The following CCSER1 variants were observed in gnomAD, a reference collection of about 807,000 sequenced individuals.
CCSER1 encodes the protein serine-rich coiled-coil domain-containing protein 1.
CCSER1 carries 41 observed loss-of-function variants against 82.0 expected under a neutral mutation model. The ratio of observed to expected loss-of-function variants is 0.50; its 90% CI spans 0.39 to 0.65. The LOEUF (loss-of-function observed/expected upper bound fraction) is 0.65, where lower values mean the gene tolerates loss of function less well. Ranked by LOEUF, CCSER1 falls within the 30% of genes least tolerant of loss-of-function variation. CCSER1 has a pLI of 0.00. For missense variants in CCSER1, 1,119 were observed against 1,064.2 expected, an observed-to-expected ratio of 1.05 and a Z score of -0.72; for synonymous variants, 414 against 383.9, an observed-to-expected ratio of 1.08 and a Z score of -0.92.
At chr4:90,776,623 T>C (rs1160164380) in intron 7 of CCSER1, among the ~76,000 whole-genome samples, 1 of 152,218 alleles carries the variant, frequency 6.6e-6, no homozygotes, top group African/African-American at 2.4e-5. Context: ...ACAACTAATG[T>C]TTGTTAAATG....
intron 5 of CCSER1, among the ~76,000 whole-genome samples, chr4:90,585,267 C>A (rs182624345): frequency 6.6e-6 from 1 of 152,024 alleles, no homozygotes; most frequent in Non-Finnish European, 1.5e-5. Flanking sequence ...TCCTGGCTGG[C>A]GAAAACGTAA....
intron 8 of CCSER1, among the ~76,000 whole-genome samples, chr4:90,858,560 G>T (rs1413023989): frequency 6.6e-6 from 1 of 151,858 alleles, no homozygotes; most frequent in East Asian, 1.9e-4. Flanking sequence ...ATTGCCTGTG[G>T]TATTTCAATT....
intron 9 of CCSER1, among the ~76,000 whole-genome samples, chr4:91,068,088 A>G (rs920601496): frequency 6.6e-6 from 1 of 152,218 alleles, no homozygotes; most frequent in Non-Finnish European, 1.5e-5. Context: ...TATATATTTA[A>G]AGCATCACCT....
chr4:91,382,205 C>T (rs148024659), intron 10 of CCSER1, among the ~76,000 whole-genome samples: 2,987 of 152,114 alleles, frequency 0.02, 76 homozygotes, highest in African/African-American at 0.067. Context: ...CTGGGAGAAC[C>T]ACTACTCTCT....
Position 91,598,554 on chromosome 4 carries a change from TTC to T in CCSER1, c.2218-16_2218-15del. On this transcript the variant is annotated splice_polypyrimidine_tract_variant and intron_variant, in intron 10 of 10. Coordinates refer to ENST00000509176, the MANE Select transcript of CCSER1 (RefSeq NM_001145065.2). Reference sequence around the variant, plus strand: ...GTGTTTTTTTAAGACATCTTTTTCTTTCTGTGTCTTACCATAGGCTACATATC... The same window carrying T: ...GTGTTTTTTTAAGACATCTTTTTCTTTGTGTCTTACCATAGGCTACATATC... 1 of 1,526,796 alleles carries T rather than the reference TTC, an allele frequency of 6.5e-7. No homozygotes were observed. Among genetic ancestry groups the T allele is most frequent in the Non-Finnish European group, 8.8e-7 (1 of 1,134,398 alleles). The allele number at this position is 1,526,796 out of a possible 1,614,324, so 94.6% of individuals were successfully genotyped here.
chr4:91,578,621 C>T (rs912127091), intron 10 of CCSER1, among the ~76,000 whole-genome samples: 1 of 151,902 alleles, frequency 6.6e-6, no homozygotes, highest in East Asian at 1.9e-4. Context: ...TAAAATGAGT[C>T]AAGTGAATGA....
intron 8 of CCSER1, among the ~76,000 whole-genome samples, chr4:90,857,864 C>T (rs1181950835): frequency 1.3e-5 from 2 of 151,910 alleles, no homozygotes; most frequent in African/African-American, 2.4e-5. Flanking sequence ...AGGATTTTTG[C>T]TAAATGAGTA....
chr4:90,880,292 G>A (rs1013011757), intron 8 of CCSER1, among the ~76,000 whole-genome samples: 1 of 152,142 alleles, frequency 6.6e-6, no homozygotes, highest in Admixed American at 6.5e-5. Flanking sequence ...TTATGGCTAA[G>A]GGACTTTTGC....
chr4:90,244,577 A>G (rs375208733), intron 1 of CCSER1, among the ~76,000 whole-genome samples: 1 of 152,252 alleles, frequency 6.6e-6, no homozygotes, highest in Admixed American at 6.5e-5. Context: ...GGAAACTTAT[A>G]ATTATGGCAG....
intron 10 of CCSER1, among the ~76,000 whole-genome samples, chr4:91,335,144 G>T (rs77597278): frequency 6.6e-6 from 1 of 152,020 alleles, no homozygotes; most frequent in Non-Finnish European, 1.5e-5. Flanking sequence ...TTTATAGATT[G>T]TTCGTGTTGT....
At chr4:91,167,342 T>C (rs977938517) in intron 10 of CCSER1, among the ~76,000 whole-genome samples, 1 of 151,912 alleles carries the variant, frequency 6.6e-6, no homozygotes, top group African/African-American at 2.4e-5. Flanking sequence ...CCTGCCACCA[T>C]GCCCAGCTAA....
intron 8 of CCSER1, chr4:90,838,766 T>A (rs1438483848): frequency 8.4e-7 from 1 of 1,189,940 alleles, no homozygotes; most frequent in Non-Finnish European, 1.2e-6. Context: ...AGTAGTTCTT[T>A]GATGTGAAAG....
chr4:90,778,909 A>G (rs1365045628), intron 7 of CCSER1, among the ~76,000 whole-genome samples: 1 of 152,204 alleles, frequency 6.6e-6, no homozygotes, highest in East Asian at 1.9e-4. Context: ...ATTTTCCCAG[A>G]GTACTAAGGA....
intron 8 of CCSER1, among the ~76,000 whole-genome samples, chr4:90,858,905 T>C (rs1016452432): frequency 6.6e-6 from 1 of 151,890 alleles, no homozygotes; most frequent in African/African-American, 2.4e-5. Context: ...TAGTGACTTA[T>C]CAGATTGGGA....
At chr4:91,114,334 A>T (rs1726362829) in intron 10 of CCSER1, among the ~76,000 whole-genome samples, 1 of 152,210 alleles carries the variant, frequency 6.6e-6, no homozygotes, top group Non-Finnish European at 1.5e-5. Context: ...GCATCTATAG[A>T]TACCAATTAT....
intron 10 of CCSER1, among the ~76,000 whole-genome samples, chr4:91,228,556 A>T (rs1044371239): frequency 6.6e-6 from 1 of 152,016 alleles, no homozygotes; most frequent in African/African-American, 2.4e-5. Context: ...TCCAGCATAA[A>T]ACACATATAT....
chr4:91,572,102 A>G (rs1435728993), intron 10 of CCSER1, among the ~76,000 whole-genome samples: 1 of 152,080 alleles, frequency 6.6e-6, no homozygotes, highest in Non-Finnish European at 1.5e-5. Flanking sequence ...GACTGGGGAC[A>G]CAGAGCTGGA....
intron 1 of CCSER1, among the ~76,000 whole-genome samples, chr4:90,199,618 C>CTGA (rs1054418443): frequency 6.6e-6 from 1 of 151,818 alleles, no homozygotes; most frequent in African/African-American, 2.4e-5. Context: ...GTAAAATTGA[C>CTGA]TGAAGAAAAA....
chr4:91,478,117 A>G (rs1005345701), intron 10 of CCSER1, among the ~76,000 whole-genome samples: 1 of 151,866 alleles, frequency 6.6e-6, no homozygotes, highest in Non-Finnish European at 1.5e-5. Context: ...TCATTGTTCA[A>G]TGTTTCCTGA....
Sources: allele counts gnomAD v4.1 joint callset (sites outside exome capture counted in the v4.1 genomes callset), GRCh38; gene constraint gnomAD v4.1.1; transcripts MANE v1.5; gene names NCBI Gene and HGNC (gene_info 2026-07-23, HGNC 2026-07-21).